The following B4GALT6 variants were observed in gnomAD, a reference collection of about 807,000 sequenced individuals.
The protein encoded by B4GALT6 is beta-1,4-galactosyltransferase 6.
Under a neutral mutation model 46.3 loss-of-function variants are expected in B4GALT6, and 14 were observed. The observed-to-expected ratio is 0.30, with a 90% CI of 0.20 to 0.47. B4GALT6 has a LOEUF of 0.47. Among genes scored for constraint, B4GALT6 ranks in the 20% least tolerant of loss-of-function variants. The pLI is 0.99. For missense variants in B4GALT6, 386 were observed against 480.1 expected (o/e 0.80, Z 1.83); for synonymous variants, 168 against 162.0 (o/e 1.04, Z -0.28).
chr18:31,690,573 G>A (rs1343986422), upstream of B4GALT6, among the ~76,000 whole-genome samples: 3 of 151,558 alleles, frequency 2.0e-5, no homozygotes, highest in East Asian at 1.9e-4. Context: ...GGGTTCAAGC[G>A]CTTCTGCTGG....
At chr18:31,676,396 G>A (rs2074415639) in intron 1 of B4GALT6, among the ~76,000 whole-genome samples, 1 of 152,134 alleles carries the variant, frequency 6.6e-6, no homozygotes, top group Non-Finnish European at 1.5e-5. Flanking sequence ...CTTCCACTGA[G>A]TAACCTATAA....
chr18:31,703,928 C>T, the B4GALT6 span, among the ~76,000 whole-genome samples: 1 of 152,104 alleles, frequency 6.6e-6, no homozygotes, highest in Non-Finnish European at 1.5e-5. Context: ...ATAGTCAGTG[C>T]TTTATGATTC....
At chr18:31,723,243 A>G in the B4GALT6 span, among the ~76,000 whole-genome samples, 1 of 152,200 alleles carries the variant, frequency 6.6e-6, no homozygotes, top group Non-Finnish European at 1.5e-5. Flanking sequence ...AAAGCAGTCT[A>G]CATTCATTAT....
At chr18:31,654,920 T>A (rs2074119580) in intron 3 of B4GALT6, among the ~76,000 whole-genome samples, 1 of 152,236 alleles carries the variant, frequency 6.6e-6, no homozygotes, top group African/African-American at 2.4e-5. Context: ...TAGCTAATAA[T>A]AAAACTTCTA....
chr18:31,626,449 T>G, intron 7 of B4GALT6, 65 bp from the exon 8 acceptor site: 2 of 918,956 alleles, frequency 2.2e-6, no homozygotes, highest in South Asian at 3.6e-5. Context: ...TTATGTGAGT[T>G]CAATTTTAAA....
Position 31,633,803 on chromosome 18 carries a change from G to A in B4GALT6, c.589-2657C>T, listed in dbSNP as rs1400171127. ...CTCCCCAGAGAGGCCTTCCCCAAAT[G>A]CTCTGCAGAAAAGAGCACCACTACC... is the stretch of plus-strand genomic sequence containing the variant. On this transcript the variant is annotated intron_variant, in intron 5 of 8. Transcript: ENST00000306851. 2.6e-5 allele frequency among the ~76,000 whole-genome samples: 4 copies of A among 152,108 alleles called. No homozygotes were observed. In the East Asian group the frequency reaches 7.7e-4, roughly 29 times the overall value.
At chr18:31,630,728 C>G (rs2073776496) in intron 6 of B4GALT6, among the ~76,000 whole-genome samples, 2 of 152,080 alleles carry the variant, frequency 1.3e-5, no homozygotes, top group African/African-American at 2.4e-5. Flanking sequence ...ACCACAGAAA[C>G]CAGGCTCTCT....
chr18:31,699,280 T>TC, the B4GALT6 span, among the ~76,000 whole-genome samples: 54 of 150,904 alleles, frequency 3.6e-4, no homozygotes, highest in South Asian at 1.3e-3. Flanking sequence ...CTTTCTTTTT[T>TC]TTTTTTTTTT....
Position 31,666,291 on chromosome 18 carries a change from A to C in B4GALT6, c.197T>G (p.Leu66Arg), listed in dbSNP as rs762749156. Residue 66 changes from leucine (L) to arginine (R), a missense_variant, in exon 2 of 9, where the codon CTG becomes CGG. Physicochemically the swap from Leu to Arg is moderately radical, Grantham distance 102 (BLOSUM62 -2). Coordinates refer to ENST00000306851, the MANE Select transcript of B4GALT6 (RefSeq NM_004775.5). Reference protein sequence around the residue: ...NVKTIGHMIRLYTNKNSTLNG... With the variant: ...NVKTIGHMIRRYTNKNSTLNG... ...GAGCGTACTGTTTTTATTTGTGTAC[A>C]GCCTGATCATATGACCTATTGTTTT... 2.1e-5 allele frequency: 33 copies of C among 1,608,298 alleles called. No individual in the cohort carries two copies. Among genetic ancestry groups the C allele is most frequent in the Non-Finnish European group, 2.8e-5 (33 of 1,176,940 alleles).
chr18:31,668,919 G>A (rs941268278), intron 1 of B4GALT6, among the ~76,000 whole-genome samples: 17 of 151,838 alleles, frequency 1.1e-4, no homozygotes, highest in African/African-American at 4.1e-4. Context: ...GCTGAGGCAG[G>A]AGAATCACTT....
chr18:31,672,172 C>A (rs556292008), intron 1 of B4GALT6, among the ~76,000 whole-genome samples: 1 of 152,170 alleles, frequency 6.6e-6, no homozygotes, highest in Non-Finnish European at 1.5e-5. Flanking sequence ...AGGACACCAA[C>A]GCAGCATCCC....
At chr18:31,670,282 T>A (rs1293292736) in intron 1 of B4GALT6, among the ~76,000 whole-genome samples, 1 of 152,148 alleles carries the variant, frequency 6.6e-6, no homozygotes, top group Non-Finnish European at 1.5e-5. Context: ...CTCGAACTCC[T>A]GAGCTCAGGC....
chr18:31,705,540 C>T, the B4GALT6 span, among the ~76,000 whole-genome samples: 5 of 152,224 alleles, frequency 3.3e-5, no homozygotes, highest in Non-Finnish European at 5.9e-5. Context: ...AGGCACCCAC[C>T]ACCACGCCCA....
rs1200762604 is a variant in B4GALT6, at chr18:31,660,990, T to C, written c.233-2901A>G. 6.6e-5 allele frequency among the ~76,000 whole-genome samples: 10 copies of C among 152,164 alleles called. 1 individual carries two copies. In the East Asian group the frequency reaches 1.9e-3, roughly 29 times the overall value. On this transcript the variant is annotated intron_variant, in intron 2 of 8. Coordinates refer to ENST00000306851, the MANE Select transcript of B4GALT6 (RefSeq NM_004775.5). ...GAGAGAAGACAATGGCATGGGAATTTTGGAAACCCCCCCTTAGCGTGGTCA... is the reference window on the plus strand; with the variant it reads ...GAGAGAAGACAATGGCATGGGAATTCTGGAAACCCCCCCTTAGCGTGGTCA...
At chr18:31,691,295 A>C in the B4GALT6 span, among the ~76,000 whole-genome samples, 1 of 776 alleles carries the variant, frequency 1.3e-3, no homozygotes, top group African/African-American at 2.9e-3. Flanking sequence ...AATTTTACAT[A>C]TATATATATA....
the B4GALT6 span, among the ~76,000 whole-genome samples, chr18:31,692,046 A>G: frequency 1.3e-5 from 2 of 152,206 alleles, no homozygotes; most frequent in Non-Finnish European, 1.5e-5. Context: ...AATTCAACAT[A>G]TTAGGTCAAA....
upstream of B4GALT6, among the ~76,000 whole-genome samples, chr18:31,689,859 T>A (rs1336442318): frequency 6.6e-6 from 1 of 152,142 alleles, no homozygotes; most frequent in African/African-American, 2.4e-5. Context: ...ACAGGGCACC[T>A]TAGGTATTGT....
the B4GALT6 span, among the ~76,000 whole-genome samples, chr18:31,707,009 C>T: frequency 6.6e-6 from 1 of 152,106 alleles, no homozygotes. Context: ...GAGGTGTAAA[C>T]GCCAGAAGGA....
intron 2 of B4GALT6, among the ~76,000 whole-genome samples, chr18:31,659,092 G>C (rs2074179463): frequency 6.6e-6 from 1 of 152,130 alleles, no homozygotes; most frequent in Non-Finnish European, 1.5e-5. Context: ...ATGAGAGACG[G>C]AAACAGCTCA....
Sources: gnomAD v4.1 joint callset for allele counts (sites outside exome capture counted in the v4.1 genomes callset) on GRCh38, gnomAD v4.1.1 for gene constraint, MANE v1.5 for transcripts, NCBI Gene and HGNC (gene_info 2026-07-23, HGNC 2026-07-21) for gene names.